The following SCAP variants were observed in gnomAD, a reference collection of about 807,000 sequenced individuals.
The protein encoded by SCAP is SREBF chaperone.
Under a neutral mutation model 123.6 loss-of-function variants are expected in SCAP, and 65 were observed. The observed-to-expected ratio is 0.53, with a 90% CI of 0.43 to 0.65. SCAP has a LOEUF of 0.65. SCAP is among the 30% of genes least tolerant of loss of function. The pLI, the probability that SCAP is intolerant of heterozygous loss-of-function variation, is 0.00. For synonymous variants in SCAP, 740 were observed against 726.3 expected (o/e 1.02, Z -0.30); for missense variants, 1,398 against 1,712.5 (o/e 0.82, Z 3.24).
intron 7 of SCAP, 40 bp from the exon 8 acceptor site, chr3:47,425,651 C>A: frequency 1.2e-6 from 2 of 1,606,934 alleles, no homozygotes; most frequent in East Asian, 2.2e-5. Flanking sequence ...GCCCCTCCCC[C>A]AGCCCCCGGC....
At chr3:47,425,026 T>C (rs1706062961) in intron 8 of SCAP, among the ~76,000 whole-genome samples, 1 of 152,164 alleles carries the variant, frequency 6.6e-6, no homozygotes, top group South Asian at 2.1e-4. Flanking sequence ...TAAAATGACC[T>C]ATTTCATTAG....
intron 2 of SCAP, among the ~76,000 whole-genome samples, chr3:47,442,285 C>T (rs1053348983): frequency 3.9e-5 from 6 of 152,206 alleles, no homozygotes; most frequent in Admixed American, 1.3e-4. Context: ...CCATAGCCTT[C>T]AGGCTTCTAT....
intron 8 of SCAP, chr3:47,425,267 T>C: frequency 1.8e-6 from 1 of 556,368 alleles, no homozygotes; most frequent in Non-Finnish European, 3.1e-6. Flanking sequence ...CTTTTGTACA[T>C]ATGGACACTC....
Position 47,417,380 on chromosome 3 carries a change from C to G in SCAP, c.2894G>C (p.Ser965Thr). The G allele has an allele frequency of 6.2e-7, 1 of 1,605,160 alleles. No homozygotes were observed. The highest frequency in any genetic ancestry group is 8.5e-7 in the Non-Finnish European group (1 of 1,176,658). Reference protein sequence around the residue: ...KGSPSLAWAPSAEGSIWSLEL... With the variant: ...KGSPSLAWAPTAEGSIWSLEL... ...CAAGCTCCAGATGGAACCCTCGGCA[C>G]TGGGGGCCCAGGCGAGGGAAGGGGA... Residue 965 changes from serine (S) to threonine (T), a missense_variant, in exon 17 of 23, where the codon AGT becomes ACT. Around this residue, in one of 7 missense-constraint regions of SCAP, gnomAD observed 828 missense variants for 882.5 expected, o/e 0.94. Transcript: ENST00000265565.
Position 47,419,627 on chromosome 3 carries a change from C to T in SCAP, c.1641G>A (p.Val547=). The change falls in exon 13 of 23, where the codon GTG becomes GTA. Residue 547 remains valine (V), a synonymous_variant. Coordinates refer to ENST00000265565, the MANE Select transcript of SCAP (RefSeq NM_012235.4). The surrounding 1 kb of genome is among the most constrained non-coding windows in gnomAD (Gnocchi z 5.0). The part of the protein sequence containing the change: ...AGLRNYLAAQ[V]TEQSPLGEGA... ...CCTCACCCAATGGGCTCTGTTCCGTCACCTGGGCAGCGAGGTAGTTGCGCA... is the reference window on the plus strand; with the variant it reads ...CCTCACCCAATGGGCTCTGTTCCGTTACCTGGGCAGCGAGGTAGTTGCGCA... The T allele has an allele frequency of 6.3e-7, 1 of 1,583,262 alleles. No individual in the cohort carries two copies. Among genetic ancestry groups the T allele is most frequent in the Non-Finnish European group, 8.6e-7 (1 of 1,163,334 alleles).
rs779316145 is a variant in SCAP, at chr3:47,414,646, G to A, written c.3313C>T (p.Arg1105Cys). 11 of 1,613,158 alleles carry A rather than the reference G, an allele frequency of 6.8e-6. No homozygotes were observed. The highest frequency in any genetic ancestry group is 1.3e-5 in the African/African-American group (1 of 74,938). The change falls in exon 21 of 23, where the codon CGT (arginine) becomes TGT (cysteine). Residue 1105 changes from arginine (R) to cysteine (C), a missense_variant. Around this residue, in one of 7 missense-constraint regions of SCAP, gnomAD observed 44 missense variants for 64.4 expected, o/e 0.68. Transcript: ENST00000265565. ...GSQDHTLRVF[R>C]LEDSCCLFTL... Reference sequence around the variant, plus strand: ...AAGAGGCAGCACGAGTCCTCCAGACGGAACACCTGGGACAGGGATGGGCCT... The same window carrying A: ...AAGAGGCAGCACGAGTCCTCCAGACAGAACACCTGGGACAGGGATGGGCCT...
chr3:47,444,229 G>C (rs926501980), intron 1 of SCAP, among the ~76,000 whole-genome samples: 1 of 152,082 alleles, frequency 6.6e-6, no homozygotes, highest in Non-Finnish European at 1.5e-5. Flanking sequence ...TACTTCTCTT[G>C]TTCCATGTTG....
chr3:47,456,409 A>G (rs1707425996), intron 1 of SCAP, among the ~76,000 whole-genome samples: 1 of 152,156 alleles, frequency 6.6e-6, no homozygotes, highest in Admixed American at 6.6e-5. Flanking sequence ...CCTCAACATA[A>G]AAATAAAAAA....
Position 47,420,510 on chromosome 3 carries a change from C to T in SCAP, c.1563+44G>A, listed in dbSNP as rs751693690. ...CAGCACCACAAGGGGCCTGGAGCAC[C>T]GGCCCTCCAGAAGAGGGCAGGGCAG... On this transcript the variant is annotated intron_variant, in intron 12 of 22. Transcript: ENST00000265565. The surrounding 1 kb of genome is among the most constrained non-coding windows in gnomAD (Gnocchi z 5.0). The T allele has an allele frequency of 4.5e-5, 68 of 1,505,136 alleles. No individual in the cohort carries two copies. Among genetic ancestry groups the T allele is most frequent in the African/African-American group, 1.4e-4 (10 of 72,890 alleles). 93.2% of individuals were successfully genotyped at this position (1,505,136 alleles called of 1,614,324 possible). A position where few individuals can be genotyped will look rare whatever the true frequency, so the allele number is the denominator to read the frequency against.
Position 47,414,845 on chromosome 3 carries a change from G to A in SCAP, c.3288C>T (p.Ser1096=). ...TACTCACTCTCAGTGTGTGGTCTTG[G>A]CTCCCAGTCACCAAGCGCCCAGCAG... is the stretch of plus-strand genomic sequence containing the variant. ...KAAAGRLVTG[S]QDHTLRVFRL... The change falls in exon 20 of 23, where the codon AGC becomes AGT. Residue 1096 remains serine, a synonymous_variant. Coordinates refer to ENST00000265565, the MANE Select transcript of SCAP (RefSeq NM_012235.4). 1 of 1,608,372 alleles carries A rather than the reference G, an allele frequency of 6.2e-7. No homozygotes were observed. The highest frequency in any genetic ancestry group is 8.5e-7 in the Non-Finnish European group (1 of 1,177,668).
rs1706461342 is a variant in SCAP, at chr3:47,433,809, C to T, written c.252+1199G>A. Among the ~76,000 whole-genome samples, 4 of 152,046 alleles carry T rather than the reference C, an allele frequency of 2.6e-5. No homozygotes were observed. In the South Asian group the frequency reaches 8.3e-4, roughly 32 times the overall value. On this transcript the variant is annotated intron_variant, in intron 3 of 22. Coordinates refer to ENST00000265565, the MANE Select transcript of SCAP (RefSeq NM_012235.4). ...CTTTCAACCCAGGAGACAGAGGTTG[C>T]AATGAGCTGAGATCACGCCACTGTA...
chr3:47,438,758 G>A (rs1706684957), intron 2 of SCAP, among the ~76,000 whole-genome samples: 1 of 151,270 alleles, frequency 6.6e-6, no homozygotes, highest in African/African-American at 2.4e-5. Flanking sequence ...AGGTTGCAGT[G>A]AGCCAAGATC....
intron 2 of SCAP, among the ~76,000 whole-genome samples, chr3:47,436,301 G>A (rs976591610): frequency 5.9e-5 from 9 of 152,106 alleles, no homozygotes; most frequent in African/African-American, 1.9e-4. Flanking sequence ...TAATGGACCC[G>A]ATATACGCAA....
At chr3:47,465,168 C>CTT (rs796601479) in intron 1 of SCAP, among the ~76,000 whole-genome samples, 2 of 145,856 alleles carry the variant, frequency 1.4e-5, no homozygotes, top group African/African-American at 2.5e-5. Flanking sequence ...AGATGATATT[C>CTT]TTTTTTTTTT....
Position 47,417,409 on chromosome 3 carries a change from T to G in SCAP, c.2865A>C (p.Lys955Asn). 2 of 1,576,408 alleles carry G rather than the reference T, an allele frequency of 1.3e-6. No homozygotes were observed. Among genetic ancestry groups the G allele is most frequent in the Non-Finnish European group, 1.7e-6 (2 of 1,162,864 alleles). ...APEDEGGSPE[K>N]GSPSLAWAPS... Reference sequence around the variant, plus strand: ...GGGCCCAGGCGAGGGAAGGGGAGCCTTTCTCGGGGGAGCCACCCTCGTCCT... The same window carrying G: ...GGGCCCAGGCGAGGGAAGGGGAGCCGTTCTCGGGGGAGCCACCCTCGTCCT... Residue 955 changes from lysine (K) to asparagine (N), a missense_variant, in exon 17 of 23, where the codon AAA becomes AAC. Coordinates refer to ENST00000265565, the MANE Select transcript of SCAP (RefSeq NM_012235.4).
In SCAP at chr3:47,418,434, GC is replaced by G; in HGVS notation, c.2217del (p.Gln740SerfsTer51). On this transcript the variant is annotated frameshift_variant, in exon 15 of 23. Coordinates refer to ENST00000265565, the MANE Select transcript of SCAP (RefSeq NM_012235.4). LOFTEE classifies it high-confidence loss of function. The stretch of plus-strand genomic sequence containing the variant: ...CGCCGCCCGGGCCCACCACCCAGCT[GC>G]CCGTAGTTGCGCGGGCATAGCACGC... ...LYRVLCPRNY[G>X]QLGGGPGRRR... 6.3e-7 allele frequency: 1 copy of G among 1,589,232 alleles called. No individual in the cohort carries two copies. Among genetic ancestry groups the G allele is most frequent in the Non-Finnish European group, 8.5e-7 (1 of 1,171,218 alleles).
chr3:47,473,346 G>A (rs1027199171), intron 1 of SCAP, among the ~76,000 whole-genome samples: 1 of 152,056 alleles, frequency 6.6e-6, no homozygotes, highest in African/African-American at 2.4e-5. Flanking sequence ...ACAAGTGCTC[G>A]ATATCACCCA....
intron 1 of SCAP, among the ~76,000 whole-genome samples, chr3:47,469,177 A>C (rs987875839): frequency 1.3e-5 from 2 of 152,110 alleles, no homozygotes; most frequent in African/African-American, 4.8e-5. Context: ...GTGAAACCCT[A>C]TCTCTACAAA....
At chr3:47,429,677 GT>G (rs1706283029) in intron 3 of SCAP, among the ~76,000 whole-genome samples, 1 of 152,156 alleles carries the variant, frequency 6.6e-6, no homozygotes, top group South Asian at 2.1e-4. Context: ...GCCCAGGCTG[GT>G]TAGTGCCTGT....
Sources: gnomAD v4.1 joint callset for allele counts (sites outside exome capture counted in the v4.1 genomes callset) on GRCh38, gnomAD v4.1.1 for gene constraint, gnomAD v4.1.1 regional missense constraint, Gnocchi (gnomAD v3.1) non-coding constraint, MANE v1.5 for transcripts, NCBI Gene and HGNC (gene_info 2026-07-23, HGNC 2026-07-21) for gene names.